The following AKR1C2 variants were observed in gnomAD, a reference collection of about 807,000 sequenced individuals.
AKR1C2 encodes aldo-keto reductase family 1 member C2.
In AKR1C2, 27 loss-of-function variants were observed where a neutral mutation model predicts 39.8. The observed-to-expected ratio is 0.68, with a 90% CI of 0.50 to 0.93. The LOEUF (loss-of-function observed/expected upper bound fraction) is 0.93, where lower values mean the gene tolerates loss of function less well. Among genes scored for constraint, AKR1C2 ranks in the 40% least tolerant of loss-of-function variants. AKR1C2 has a pLI of 0.00. For synonymous variants in AKR1C2, 114 were observed against 137.9 expected, an observed-to-expected ratio of 0.83 and a Z score of 1.22; for missense variants, 263 against 365.1, an observed-to-expected ratio of 0.72 and a Z score of 2.28.
chr10:4,995,930 A>G lies in AKR1C2; in HGVS notation c.571-65T>C, dbSNP rs1235880274. 138 of 1,543,982 alleles carry G rather than the reference A, an allele frequency of 8.9e-5. 4 individuals carry two copies. Among genetic ancestry groups the G allele is most frequent in the Non-Finnish European group, 1.1e-4 (126 of 1,134,324 alleles). ...AAGTTACATTAATATTAAAATCACCAAAGTAAAAGAAGCTGAATAATGTAG... is the reference window on the plus strand; with the variant it reads ...AAGTTACATTAATATTAAAATCACCGAAGTAAAAGAAGCTGAATAATGTAG... On this transcript the variant is annotated intron_variant, in intron 5 of 8. Coordinates refer to ENST00000380753, the MANE Select transcript of AKR1C2 (RefSeq NM_001393392.1).
At chr10:5,011,346 G>A (rs560967025) in intron 1 of AKR1C2, among the ~76,000 whole-genome samples, 34 of 152,296 alleles carry the variant, frequency 2.2e-4, no homozygotes, top group Non-Finnish European at 4.0e-4. Context: ...ACATTATTCT[G>A]GTGATAGCTA....
At chr10:4,993,796 T>G (rs1347862225) in intron 7 of AKR1C2, among the ~76,000 whole-genome samples, 5 of 151,342 alleles carry the variant, frequency 3.3e-5, no homozygotes, top group South Asian at 2.1e-4. Flanking sequence ...ACATATATAT[T>G]ATATAACACA....
rs1554773739 is a variant in AKR1C2, at chr10:5,000,609, T to A, written c.310A>T (p.Lys104Ter). ...TCAACATAGTCCAATTGAAGATTTT[T>A]CAGTGACCTTTCCAAGGCTGGTCGG... Reference protein sequence around the residue: ...LVRPALERSLKNLQLDYVDLY... With the variant: ...LVRPALERSL Residue 104 changes from lysine to a stop codon, truncating the protein, a stop_gained, in exon 3 of 9, where the codon AAA (lysine) becomes TAA (stop). Transcript: ENST00000380753. LOFTEE classifies it high-confidence loss of function. The A allele has an allele frequency of 6.2e-7, 1 of 1,613,954 alleles. No individual in the cohort carries two copies. Among genetic ancestry groups the A allele is most frequent in the Non-Finnish European group, 8.5e-7 (1 of 1,179,940 alleles).
At chr10:4,998,346 C>A (rs371228062) in intron 5 of AKR1C2, among the ~76,000 whole-genome samples, 1 of 152,168 alleles carries the variant, frequency 6.6e-6, no homozygotes, top group Non-Finnish European at 1.5e-5. Context: ...GGTAAGTCCA[C>A]CTTTCCCTGA....
In AKR1C2 at chr10:4,987,996, T is replaced by C. The variant is rs1407791151; in HGVS notation, c.*2000A>G. 1.2e-4 allele frequency: 17 copies of C among 142,810 alleles called. No homozygotes were observed. Among genetic ancestry groups the C allele is most frequent in the African/African-American group, 4.4e-4 (16 of 36,762 alleles). The allele number at this position is 142,810 out of a possible 1,614,324, so 8.8% of individuals were successfully genotyped here. A position where few individuals can be genotyped will look rare whatever the true frequency, so the allele number is the denominator to read the frequency against. On this transcript the variant is annotated 3_prime_UTR_variant, in exon 9 of 9. Coordinates refer to ENST00000380753, the MANE Select transcript of AKR1C2 (RefSeq NM_001393392.1). ...AAATCAGGTGTTTGGCTTTATGAAA[T>C]TCTGAGTAACTTTTTTTTTTTAACA...
chr10:4,994,624 G>A (rs1477871993), intron 7 of AKR1C2, among the ~76,000 whole-genome samples: 4 of 151,976 alleles, frequency 2.6e-5, no homozygotes, highest in African/African-American at 9.7e-5. Context: ...AACTGCATGG[G>A]AGAGGGGGGC....
chr10:5,000,434 CT>C (rs1564331575), intron 3 of AKR1C2, 115 bp downstream of exon 3: 1 of 1,595,626 alleles, frequency 6.3e-7, no homozygotes, highest in East Asian at 2.3e-5. Flanking sequence ...TAGGGCTCTT[CT>C]TCCATGTTAA....
At chr10:5,012,184 C>T (rs1288923694) in intron 1 of AKR1C2, among the ~76,000 whole-genome samples, 5 of 151,706 alleles carry the variant, frequency 3.3e-5, no homozygotes, top group Admixed American at 1.3e-4. Flanking sequence ...TTTTTCAGGA[C>T]CTAGTGGCTA....
chr10:4,998,108 G>A (rs1241338958), intron 5 of AKR1C2, among the ~76,000 whole-genome samples: 1 of 152,128 alleles, frequency 6.6e-6, no homozygotes, highest in Non-Finnish European at 1.5e-5. Context: ...ACTGTCTGCA[G>A]ATAATTTTTA....
At chr10:5,001,797 A>G (rs1233758169) in intron 1 of AKR1C2, 116 bp from the exon 2 acceptor site, 12 of 1,352,640 alleles carry the variant, frequency 8.9e-6, no homozygotes, top group Non-Finnish European at 1.1e-5. Context: ...TGAGCTCTGT[A>G]TGTAGAATCA....
Position 5,011,055 on chromosome 10 carries a change from C to T in AKR1C2, c.-88+6845G>A, listed in dbSNP as rs180780393. Among the ~76,000 whole-genome samples, 755 of 142,688 alleles carry T rather than the reference C, an allele frequency of 5.3e-3. 7 individuals carry two copies. Among genetic ancestry groups the T allele is most frequent in the Middle Eastern group, 0.034 (9 of 266 alleles). The allele number at this position is 142,688 out of a possible 152,430, so 93.6% of individuals were successfully genotyped here. The stretch of plus-strand genomic sequence containing the variant: ...TCTGTAAAGCAAAAAAAAAAAAAAT[C>T]AACAGAGAACAGATGACCTACACAA... On this transcript the variant is annotated intron_variant, in intron 1 of 6. Coordinates refer to the AKR1C2 transcript ENST00000604507.
chr10:5,001,199 A>C (rs116900756), intron 2 of AKR1C2, among the ~76,000 whole-genome samples: 3,109 of 152,226 alleles, frequency 0.02, 51 homozygotes, highest in Non-Finnish European at 0.032. Flanking sequence ...AATGTAAGAA[A>C]CTCACCCAGG....
intron 4 of AKR1C2, 33 bp from the exon 5 acceptor site, chr10:4,998,780 G>A: frequency 6.2e-7 from 1 of 1,612,786 alleles, no homozygotes; most frequent in Non-Finnish European, 8.5e-7. Context: ...TATCATTTGT[G>A]TAGTCGACTG....
chr10:5,011,747 G>A (rs1184465258), intron 1 of AKR1C2, among the ~76,000 whole-genome samples: 1 of 152,190 alleles, frequency 6.6e-6, no homozygotes, highest in Non-Finnish European at 1.5e-5. Context: ...TGTGGGGATT[G>A]AAAGAATGGA....
At chr10:4,992,179 A>C (rs1363104187) in intron 7 of AKR1C2, among the ~76,000 whole-genome samples, 60 of 150,442 alleles carry the variant, frequency 4.0e-4, no homozygotes, top group African/African-American at 1.3e-3. Flanking sequence ...AAGAAGAAAC[A>C]GAGCTTACTT....
chr10:5,009,891 G>A (rs1334067143), intron 1 of AKR1C2, among the ~76,000 whole-genome samples: 1 of 145,582 alleles, frequency 6.9e-6, no homozygotes, highest in Non-Finnish European at 1.5e-5. Context: ...CCGGCCACTG[G>A]GCAGCCTGAC....
At chr10:5,011,732 A>T (rs1451708012) in intron 1 of AKR1C2, among the ~76,000 whole-genome samples, 1 of 152,222 alleles carries the variant, frequency 6.6e-6, no homozygotes, top group South Asian at 2.1e-4. Flanking sequence ...GAATATGTAA[A>T]CCTGTGTGGG....
At chr10:5,006,749 C>T (rs1157734405), upstream of AKR1C2, among the ~76,000 whole-genome samples, 1 of 137,180 alleles carries the variant, frequency 7.3e-6, no homozygotes, top group Non-Finnish European at 1.6e-5. Flanking sequence ...AAAAATTTCA[C>T]CGAATCCATA....
Position 4,989,040 on chromosome 10 carries a change from G to C in AKR1C2, c.*956C>G, listed in dbSNP as rs1168829552. 2 of 152,124 alleles carry C rather than the reference G, an allele frequency of 1.3e-5. No individual in the cohort carries two copies. Among genetic ancestry groups the C allele is most frequent in the African/African-American group, 4.8e-5 (2 of 41,414 alleles). The allele number at this position is 152,124 out of a possible 1,614,324, so 9.4% of individuals were successfully genotyped here. ...TGCATAATGGCTTTGGGATATTTAT[G>C]TTTTATACTTGTAACTATGCCTTGT... On this transcript the variant is annotated 3_prime_UTR_variant, in exon 9 of 9. Transcript: ENST00000380753.
Sources: allele counts gnomAD v4.1 joint callset (sites outside exome capture counted in the v4.1 genomes callset), GRCh38; gene constraint gnomAD v4.1.1; transcripts MANE v1.5; gene names NCBI Gene and HGNC (gene_info 2026-07-23, HGNC 2026-07-21).